The following ST8SIA6 variants were observed in gnomAD, a reference collection of about 807,000 sequenced individuals.
ST8SIA6 encodes alpha-2,8-sialyltransferase 8F.
In ST8SIA6, 39 loss-of-function variants were observed where a neutral mutation model predicts 33.6. The ratio of observed to expected loss-of-function variants is 1.16; its 90% CI spans 0.90 to 1.52. ST8SIA6 has a LOEUF of 1.52. ST8SIA6 is among the 40% of genes most tolerant of loss of function. The pLI is 0.00. For missense variants in ST8SIA6, 441 were observed against 443.8 expected, an observed-to-expected ratio of 0.99 and a Z score of 0.06; for synonymous variants, 172 against 167.2, an observed-to-expected ratio of 1.03 and a Z score of -0.22.
In ST8SIA6 at chr10:17,454,235, C is replaced by G. The variant is rs1166625889; in HGVS notation, c.21G>C (p.Leu7=). The change falls in exon 1 of 8, where the codon CTG becomes CTC. Residue 7 remains leucine (L), a synonymous_variant. Transcript: ENST00000377602. This position sits in a 1 kb window ranked among gnomAD's most constrained non-coding sequence, Gnocchi z 4.1. MRPGGA[L]LALLASLLLL... ...GCAGCAGGCTGGCGAGCAGGGCGAG[C>G]AGTGCGCCCCCCGGCCGCATCCTGA... The G allele has an allele frequency of 3.9e-6, 1 of 253,636 alleles. No homozygotes were observed. Among genetic ancestry groups the G allele is most frequent in the African/African-American group, 2.3e-5 (1 of 43,736 alleles). 15.7% of individuals were successfully genotyped at this position (253,636 alleles called of 1,614,324 possible).
At chr10:17,403,909 A>T (rs1851143819) in intron 2 of ST8SIA6, among the ~76,000 whole-genome samples, 1 of 151,754 alleles carries the variant, frequency 6.6e-6, no homozygotes, top group African/African-American at 2.4e-5. Flanking sequence ...TGAAATTACA[A>T]AAAAAATTAC....
chr10:17,320,976 G>A lies in ST8SIA6; in HGVS notation c.1099C>T (p.His367Tyr), dbSNP rs1588771406. 2 of 1,614,000 alleles carry A rather than the reference G, an allele frequency of 1.2e-6. No homozygotes were observed. The highest frequency in any genetic ancestry group is 1.7e-6 in the Non-Finnish European group (2 of 1,179,972). ...HHYYDNKLPK[H>Y]GFHQMPKEYS... is the part of the protein sequence containing the mutation. The stretch of plus-strand genomic sequence containing the variant: ...TCTTTGGGCATCTGATGGAAACCAT[G>A]TTTAGGTAGCTTGTTGTCATAATAG... Residue 367 changes from histidine to tyrosine, a missense_variant, in exon 8 of 8, where the codon CAT becomes TAT. Transcript: ENST00000377602.
At chr10:17,376,343 C>A (rs889546053) in intron 3 of ST8SIA6, among the ~76,000 whole-genome samples, 9 of 151,358 alleles carry the variant, frequency 5.9e-5, no homozygotes, top group Admixed American at 4.6e-4. Context: ...TTACACTGTG[C>A]GAGAGAGAGT....
intron 4 of ST8SIA6, among the ~76,000 whole-genome samples, chr10:17,348,083 C>CA (rs55680958): frequency 5.5e-4 from 80 of 145,528 alleles, no homozygotes; most frequent in African/African-American, 1.4e-3. Flanking sequence ...AATTTGCAGA[C>CA]AAAAAAAAAA....
chr10:17,323,224 TGCGC>T, intron 6 of ST8SIA6, 67 bp from the exon 7 acceptor site: 1 of 854,006 alleles, frequency 1.2e-6, no homozygotes, highest in South Asian at 1.5e-5. Flanking sequence ...TACACACATA[TGCGC>T]GCACACACAC....
Position 17,454,291 on chromosome 10 carries a change from G to C in ST8SIA6, c.-36C>G, listed in dbSNP as rs1226994193. Reference sequence around the variant, plus strand: ...AGGCGCCGCCGCCACCGCTGCTGCCGGGGCGAAGCACAGCCCGGGCGGCCC... The same window carrying C: ...AGGCGCCGCCGCCACCGCTGCTGCCCGGGCGAAGCACAGCCCGGGCGGCCC... On this transcript the variant is annotated 5_prime_UTR_variant, in exon 1 of 8. Transcript: ENST00000377602. The surrounding 1 kb of genome is among the most constrained non-coding windows in gnomAD (Gnocchi z 4.1). 2 of 193,672 alleles carry C rather than the reference G, an allele frequency of 1.0e-5. No individual in the cohort carries two copies. The highest frequency in any genetic ancestry group is 2.4e-5 in the African/African-American group (1 of 42,114). The allele number at this position is 193,672 out of a possible 1,614,324, so 12.0% of individuals were successfully genotyped here. A position where few individuals can be genotyped will look rare whatever the true frequency, so the allele number is the denominator to read the frequency against.
In ST8SIA6 at chr10:17,402,118, G is replaced by A. The variant is rs528400270; in HGVS notation, c.201-11498C>T. On this transcript the variant is annotated intron_variant, in intron 2 of 7. Coordinates refer to ENST00000377602, the MANE Select transcript of ST8SIA6 (RefSeq NM_001004470.3). ...ACAACCCCATCAACAAGTGGGCGAAGGATATGAACAGACACTTCTCAAAAG... is the reference window on the plus strand; with the variant it reads ...ACAACCCCATCAACAAGTGGGCGAAAGATATGAACAGACACTTCTCAAAAG... Among the ~76,000 whole-genome samples, 424 of 152,280 alleles carry A rather than the reference G, an allele frequency of 2.8e-3. 4 individuals are homozygous for A. The highest frequency in any genetic ancestry group is 0.012 in the South Asian group (56 of 4,816).
At chr10:17,330,178 C>T (rs965208642) in intron 5 of ST8SIA6, among the ~76,000 whole-genome samples, 1 of 152,164 alleles carries the variant, frequency 6.6e-6, no homozygotes, top group African/African-American at 2.4e-5. Flanking sequence ...AAAGCAGATG[C>T]AGTTCCCAGT....
chr10:17,398,209 C>T (rs184466735), intron 2 of ST8SIA6, among the ~76,000 whole-genome samples: 4 of 152,216 alleles, frequency 2.6e-5, no homozygotes, highest in Admixed American at 2.6e-4. Flanking sequence ...TGCCTGTAAT[C>T]CCAGCTACTC....
chr10:17,406,125 G>A (rs1214356289), intron 2 of ST8SIA6, among the ~76,000 whole-genome samples: 1 of 152,156 alleles, frequency 6.6e-6, no homozygotes, highest in Non-Finnish European at 1.5e-5. Flanking sequence ...TGACATAAAT[G>A]TTTTTTGAGC....
chr10:17,379,392 G>A (rs1278022109), intron 3 of ST8SIA6, among the ~76,000 whole-genome samples: 1 of 152,120 alleles, frequency 6.6e-6, no homozygotes, highest in African/African-American at 2.4e-5. Flanking sequence ...ACTTCTTTCA[G>A]TCAAGGATGT....
At chr10:17,392,123 G>A (rs1036565688) in intron 2 of ST8SIA6, among the ~76,000 whole-genome samples, 4 of 152,178 alleles carry the variant, frequency 2.6e-5, no homozygotes, top group African/African-American at 9.7e-5. Context: ...AATAGACATG[G>A]TCTTATTCCC....
intron 4 of ST8SIA6, among the ~76,000 whole-genome samples, chr10:17,351,811 A>G (rs943221913): frequency 3.9e-5 from 6 of 152,188 alleles, no homozygotes; most frequent in African/African-American, 1.4e-4. Context: ...AGAAAGACAA[A>G]TACAGCATGG....
chr10:17,349,935 AACACAC>A (rs72378605), intron 4 of ST8SIA6, among the ~76,000 whole-genome samples: 16 of 151,206 alleles, frequency 1.1e-4, no homozygotes, highest in African/African-American at 3.4e-4. Flanking sequence ...AAATTAAATA[AACACAC>A]ACACACACAC....
At chr10:17,345,298 A>G (rs1180026767) in intron 4 of ST8SIA6, among the ~76,000 whole-genome samples, 2 of 152,152 alleles carry the variant, frequency 1.3e-5, no homozygotes, top group African/African-American at 4.8e-5. Context: ...TTGTGTTTAT[A>G]TTTTGCTGGT....
At chr10:17,363,226 AT>A (rs1849452713) in intron 3 of ST8SIA6, among the ~76,000 whole-genome samples, 1 of 152,254 alleles carries the variant, frequency 6.6e-6, no homozygotes, top group African/African-American at 2.4e-5. Flanking sequence ...TCAATAGCTC[AT>A]TAGTCAATTT....
intron 4 of ST8SIA6, among the ~76,000 whole-genome samples, chr10:17,335,828 A>G (rs1025254704): frequency 2.0e-5 from 3 of 152,232 alleles, no homozygotes; most frequent in East Asian, 1.9e-4. Context: ...AAGCAACATA[A>G]TAAATTCTCA....
Position 17,433,099 on chromosome 10 carries a change from G to A in ST8SIA6, c.200+20460C>T, listed in dbSNP as rs1182215963. On this transcript the variant is annotated intron_variant, in intron 2 of 7. Transcript: ENST00000377602. ...AATTAAACTCCTTTAAATTTAATTT[G>A]GCTGAAGTTTCTCTATTAACAGACC... Among the ~76,000 whole-genome samples, 3 of 152,076 alleles carry A rather than the reference G, an allele frequency of 2.0e-5. No homozygotes were observed. The East Asian group carries it at 5.8e-4, about 29-fold the overall frequency.
chr10:17,379,660 C>A (rs1289919124), intron 3 of ST8SIA6, among the ~76,000 whole-genome samples: 2 of 152,132 alleles, frequency 1.3e-5, no homozygotes, highest in Non-Finnish European at 2.9e-5. Context: ...AGGCTTCCTG[C>A]CTTTGCTTCA....
Sources: gnomAD v4.1 joint callset for allele counts (sites outside exome capture counted in the v4.1 genomes callset) on GRCh38, gnomAD v4.1.1 for gene constraint, Gnocchi (gnomAD v3.1) non-coding constraint, MANE v1.5 for transcripts, NCBI Gene and HGNC (gene_info 2026-07-23, HGNC 2026-07-21) for gene names.